Variants in PODNL1 observed in about 807,000 individuals in gnomAD.
PODNL1 encodes podocan-like protein 1.
Under a neutral mutation model 45.1 loss-of-function variants are expected in PODNL1, and 50 were observed. The ratio of observed to expected loss-of-function variants is 1.11; its 90% CI spans 0.88 to 1.40. The LOEUF (loss-of-function observed/expected upper bound fraction) is 1.40, where lower values mean the gene tolerates loss of function less well. Ranked by LOEUF, PODNL1 falls within the 40% of genes most tolerant of loss-of-function variation. The pLI is 0.00. For missense variants in PODNL1, 788 were observed against 793.3 expected (o/e 0.99, Z 0.08); for synonymous variants, 406 against 372.5 (o/e 1.09, Z -1.04).
intron 1 of PODNL1, among the ~76,000 whole-genome samples, chr19:13,947,198 A>G (rs1225698639): frequency 2.3e-5 from 3 of 133,024 alleles, no homozygotes; most frequent in East Asian, 2.3e-4. Flanking sequence ...AAAAAAAAAA[A>G]GGCTGGCCAT....
At chr19:13,938,919 C>T (rs1972553998), upstream of PODNL1, among the ~76,000 whole-genome samples, 9 of 152,292 alleles carry the variant, frequency 5.9e-5, no homozygotes, top group South Asian at 1.7e-3. Flanking sequence ...TAATGGTTGG[C>T]TCACCACCCC....
At chr19:13,952,136 C>T (rs760666279) in intron 1 of PODNL1, among the ~76,000 whole-genome samples, 16 of 152,254 alleles carry the variant, frequency 1.1e-4, no homozygotes, top group Admixed American at 3.9e-4. Flanking sequence ...CCTTGGTGGA[C>T]CACAGGCTCC....
rs375289864 is a variant in PODNL1 at position 13,932,498 on chromosome 19, A to T, written c.1425+300T>A. ...TGCCTCAGCCTCCTGAATAGCTGGG[A>T]CTACAGGCATGTGCCACCACGCTTG... On this transcript the variant is annotated intron_variant, in intron 8 of 9. Transcript: ENST00000588872. 3 of 670,192 alleles carry T rather than the reference A, an allele frequency of 4.5e-6. No individual in the cohort carries two copies. The African/African-American group carries it at 5.4e-5, about 12-fold the overall frequency. The allele number at this position is 670,192 out of a possible 1,614,324, so 41.5% of individuals were successfully genotyped here. A position where few individuals can be genotyped will look rare whatever the true frequency, so the allele number is the denominator to read the frequency against.
rs57996657 is a variant in PODNL1 at position 13,934,526 on chromosome 19, TGC to T, written c.495-118_495-117del. 7.6e-4 allele frequency: 685 copies of T among 898,722 alleles called. 3 individuals carry two copies. In the African/African-American group the frequency reaches 9.0e-3, roughly 12 times the overall value. 55.7% of individuals were successfully genotyped at this position (898,722 alleles called of 1,614,324 possible). A position where few individuals can be genotyped will look rare whatever the true frequency, so the allele number is the denominator to read the frequency against. Reference sequence around the variant, plus strand: ...GTGTGTGTGTGTGTGTGTGTGTGTGTGCGCGCGCATGTGTGGAGTCTGTGTGG... The same window carrying T: ...GTGTGTGTGTGTGTGTGTGTGTGTGTGCGCGCATGTGTGGAGTCTGTGTGG... On this transcript the variant is annotated intron_variant, in intron 5 of 9. Transcript: ENST00000588872.
Position 13,933,404 on chromosome 19 carries a change from T to A in PODNL1, c.819A>T (p.Thr273=), listed in dbSNP as rs554562507. The A allele has an allele frequency of 3.8e-6, 6 of 1,599,514 alleles. No homozygotes were observed. The highest frequency in any genetic ancestry group is 1.7e-5 in the Admixed American group (1 of 58,670). ...YLDLSHNQLT[T]VPAGLPRTLA... The stretch of plus-strand genomic sequence containing the variant: ...GGGTCCGGGGCAGGCCGGCGGGCAC[T>A]GTGGTCAGCTGGTTGTGGGAGAGAT... Residue 273 remains threonine (T), a synonymous_variant, in exon 8 of 10, where the codon ACA becomes ACT. Transcript: ENST00000588872. This position sits in a 1 kb window ranked among gnomAD's most constrained non-coding sequence, Gnocchi z 5.2.
rs752373204 is a variant in PODNL1, at chr19:13,938,206, G to C, written c.-25C>G. ...TGGCCAGCCCTGACTCTGCCATCTC[G>C]CCCAAGCTGCTGACCAGGACTTCCT... On this transcript the variant is annotated 5_prime_UTR_variant, in exon 1 of 10. Coordinates refer to ENST00000588872, the MANE Select transcript of PODNL1 (RefSeq NM_001370095.3). 1 of 1,607,378 alleles carries C rather than the reference G, an allele frequency of 6.2e-7. No individual in the cohort carries two copies. The highest frequency in any genetic ancestry group is 1.3e-5 in the African/African-American group (1 of 74,896).
Position 13,935,836 on chromosome 19 carries a change from G to A in PODNL1, c.385-6C>T. The stretch of plus-strand genomic sequence containing the variant: ...AACTGAGGGGCCACTGAGAGCTGTG[G>A]GGACACAGCCCACAGCCGGACTGGT... On this transcript the variant is annotated splice_region_variant and splice_polypyrimidine_tract_variant and intron_variant, in intron 4 of 9. Coordinates refer to ENST00000588872, the MANE Select transcript of PODNL1 (RefSeq NM_001370095.3). 6.2e-7 allele frequency: 1 copy of A among 1,600,930 alleles called. No homozygotes were observed. Among genetic ancestry groups the A allele is most frequent in the Non-Finnish European group, 8.5e-7 (1 of 1,175,052 alleles).
chr19:13,945,131 C>G (rs1972772619), intron 1 of PODNL1, among the ~76,000 whole-genome samples: 1 of 152,048 alleles, frequency 6.6e-6, no homozygotes, highest in African/African-American at 2.4e-5. Context: ...AGTCTGAACT[C>G]CAACTCCCAG....
Position 13,932,782 on chromosome 19 carries a change from C to T in PODNL1, c.1425+16G>A, listed in dbSNP as rs1972038454. 2 of 1,612,976 alleles carry T rather than the reference C, an allele frequency of 1.2e-6. No individual in the cohort carries two copies. The highest frequency in any genetic ancestry group is 2.7e-5 in the African/African-American group (2 of 75,062). ...GGGGCCCTGGGGACAGTGTGGCTAA[C>T]CAGCCTGTGCCTGACCTGGAGGGCT... On this transcript the variant is annotated intron_variant, in intron 8 of 9. Coordinates refer to ENST00000588872, the MANE Select transcript of PODNL1 (RefSeq NM_001370095.3).
intron 1 of PODNL1, among the ~76,000 whole-genome samples, chr19:13,949,988 G>A (rs1302917643): frequency 6.6e-6 from 1 of 151,942 alleles, no homozygotes; most frequent in Non-Finnish European, 1.5e-5. Context: ...AGCCTCCCGA[G>A]AAGCTGGACT....
At position 13,932,805 on chromosome 19, in the gene PODNL1, G is replaced by C. The variant is rs534074373; in HGVS notation, c.1418C>G (p.Ala473Gly). The stretch of plus-strand genomic sequence containing the variant: ...AACCAGCCTGTGCCTGACCTGGAGG[G>C]CTTGGAGCTCATGCCAGGTGCCTGG... ...IGPGTWHELQ[A>G]LQMLDLSHNE... The change falls in exon 8 of 10, where the codon GCC (alanine) becomes GGC (glycine). Residue 473 changes from alanine to glycine, a missense_variant. By Grantham distance (60) the Ala-to-Gly change is moderately conservative (BLOSUM62 0). Transcript: ENST00000588872. 3.1e-6 allele frequency: 5 copies of C among 1,613,030 alleles called. No individual in the cohort carries two copies. Among genetic ancestry groups the C allele is most frequent in the Middle Eastern group, 3.3e-4 (2 of 6,062 alleles).
rs536399784 is a variant in PODNL1 at position 13,931,957 on chromosome 19, G to A, written c.1574+7C>T. 1.9e-5 allele frequency: 24 copies of A among 1,232,110 alleles called. No homozygotes were observed. The South Asian group carries it at 2.1e-4, about 11-fold the overall frequency. 76.3% of individuals were successfully genotyped at this position (1,232,110 alleles called of 1,614,324 possible). On this transcript the variant is annotated splice_region_variant and intron_variant, in intron 9 of 9. Coordinates refer to ENST00000588872, the MANE Select transcript of PODNL1 (RefSeq NM_001370095.3). ...CACCTCCACCCCTCCGGTCACCCTC[G>A]GGGCACCTGAGGAAGAGGGCACGCA...
chr19:13,934,373 C>A lies in PODNL1; in HGVS notation c.532G>T (p.Gly178Cys). Reference protein sequence around the residue: ...YLHNNQLSNAGLPPDAFRGSE... With the variant: ...YLHNNQLSNACLPPDAFRGSE... ...CCGCGGAAGGCGTCGGGGGGCAGGC[C>A]AGCGTTGCTCAGCTGGTTGTTGTGG... is the stretch of plus-strand genomic sequence containing the variant. Residue 178 changes from glycine (G) to cysteine (C), a missense_variant, in exon 6 of 10, where the codon GGC (glycine) becomes TGC (cysteine). Gly to Cys is a radical substitution (Grantham distance 159, BLOSUM62 -3). Around this residue, in one of 3 missense-constraint regions of PODNL1, gnomAD observed 762 missense variants for 750.9 expected, o/e 1.01. Transcript: ENST00000588872. 1 of 1,550,630 alleles carries A rather than the reference C, an allele frequency of 6.4e-7. No homozygotes were observed. The highest frequency in any genetic ancestry group is 2.0e-5 in the Admixed American group (1 of 48,992).
rs539533108 is a variant in PODNL1 at position 13,932,016 on chromosome 19, C to G, written c.1522G>C (p.Val508Leu). 1 of 1,232,298 alleles carries G rather than the reference C, an allele frequency of 8.1e-7. No individual in the cohort carries two copies. The highest frequency in any genetic ancestry group is 1.0e-6 in the Non-Finnish European group (1 of 988,070). The allele number at this position is 1,232,298 out of a possible 1,614,324, so 76.3% of individuals were successfully genotyped here. A position where few individuals can be genotyped will look rare whatever the true frequency, so the allele number is the denominator to read the frequency against. The change falls in exon 9 of 10, where the codon GTG becomes CTG. Residue 508 changes from valine (V) to leucine (L), a missense_variant. By Grantham distance (32) the Val-to-Leu change is conservative (BLOSUM62 1). Transcript: ENST00000588872. The stretch of plus-strand genomic sequence containing the variant: ...GTGCTGAGGAAGGCCTCGGGGCCCA[C>G]GTGGCCGATGCGGTTGCCCTCGAGG... The part of the protein sequence containing the change: ...LHLEGNRIGH[V>L]GPEAFLSTPR...
At chr19:13,951,830 C>T (rs1262931515) in intron 1 of PODNL1, among the ~76,000 whole-genome samples, 2 of 152,148 alleles carry the variant, frequency 1.3e-5, no homozygotes, top group East Asian at 3.8e-4. Flanking sequence ...GGACCTTCAA[C>T]AATTATTTTT....
In PODNL1 at chr19:13,933,874, G is replaced by A. The variant is rs565795950; in HGVS notation, c.767+4C>T. On this transcript the variant is annotated splice_donor_region_variant and intron_variant, in intron 7 of 9. Coordinates refer to ENST00000588872, the MANE Select transcript of PODNL1 (RefSeq NM_001370095.3). This position sits in a 1 kb window ranked among gnomAD's most constrained non-coding sequence, Gnocchi z 5.2. The stretch of plus-strand genomic sequence containing the variant: ...GCCCCTGCTGCCCCCCAACCAGCCT[G>A]TACCTGAAGGTGGTGGCATCCAGGC... 1 of 1,597,086 alleles carries A rather than the reference G, an allele frequency of 6.3e-7. No homozygotes were observed. Among genetic ancestry groups the A allele is most frequent in the East Asian group, 2.3e-5 (1 of 44,166 alleles).
rs773085333 is a variant in PODNL1, at chr19:13,931,963, C to T, written c.1574+1G>A. On this transcript the variant is annotated splice_donor_variant, in intron 9 of 9. Transcript: ENST00000588872. LOFTEE classifies it high-confidence loss of function. ...CACCCCTCCGGTCACCCTCGGGGCA[C>T]CTGAGGAAGAGGGCACGCAGGCGGG... 1.6e-6 allele frequency: 2 copies of T among 1,232,230 alleles called. No individual in the cohort carries two copies. Among genetic ancestry groups the T allele is most frequent in the Non-Finnish European group, 1.0e-6 (1 of 988,130 alleles). 76.3% of individuals were successfully genotyped at this position (1,232,230 alleles called of 1,614,324 possible).
chr19:13,936,133 C>T, intron 3 of PODNL1, 89 bp from the exon 4 acceptor site: 1 of 1,241,268 alleles, frequency 8.1e-7, no homozygotes. Flanking sequence ...GGACTCTCGG[C>T]CGGGGAACTG....
chr19:13,942,830 C>CA (rs953612585), upstream of PODNL1, among the ~76,000 whole-genome samples: 87 of 147,096 alleles, frequency 5.9e-4, no homozygotes, highest in African/African-American at 9.3e-4. Context: ...CTAAAAAATA[C>CA]AAAAAAAAAC....
Sources: allele counts gnomAD v4.1 joint callset (sites outside exome capture counted in the v4.1 genomes callset), GRCh38; gene constraint gnomAD v4.1.1; regional missense constraint gnomAD v4.1.1; non-coding constraint Gnocchi (gnomAD v3.1); transcripts MANE v1.5; gene names NCBI Gene and HGNC (gene_info 2026-07-23, HGNC 2026-07-21).